Variants in RMST observed in about 807,000 individuals in gnomAD.
RMST encodes long intergenic non-protein coding RNA 54.
chr12:97,512,781 G>A (rs1048601154), intron 10 of RMST, among the ~76,000 whole-genome samples: 5 of 152,226 alleles, frequency 3.3e-5, no homozygotes, highest in South Asian at 2.1e-4. Context: ...CGCGCCCTGC[G>A]CCTGCACTCC....
chr12:97,524,099 A>AAAAAAAAAAAAAAAAAAAAC, intron 10 of RMST, among the ~76,000 whole-genome samples: 1 of 148,656 alleles, frequency 6.7e-6, no homozygotes, highest in Non-Finnish European at 1.5e-5. Flanking sequence ...AAAAAAAAAA[A>AAAAAAAAAAAAAAAAAAAAC]AAAATCACAT....
At chr12:97,531,637 A>G (rs775211774) in intron 11 of RMST, among the ~76,000 whole-genome samples, 26 of 151,974 alleles carry the variant, frequency 1.7e-4, no homozygotes, top group African/African-American at 2.7e-4. Context: ...GGTCTCAAAA[A>G]ATATGCAGAA....
intron 11 of RMST, among the ~76,000 whole-genome samples, chr12:97,546,950 C>G (rs1340300897): frequency 6.6e-6 from 1 of 151,964 alleles, no homozygotes. Flanking sequence ...ATCTCTCCAA[C>G]CTCTCACCCT....
At chr12:97,563,569 CT>C (rs1884298395) in intron 13 of RMST, 1 of 320,752 alleles carries the variant, frequency 3.1e-6, no homozygotes, top group Non-Finnish European at 6.0e-6. Flanking sequence ...TCCCAGTGTC[CT>C]TTGTTTTTGG....
At chr12:97,550,945 G>A (rs796112084) in intron 11 of RMST, among the ~76,000 whole-genome samples, 2 of 151,966 alleles carry the variant, frequency 1.3e-5, no homozygotes, top group African/African-American at 4.8e-5. Context: ...TCTAATTGTC[G>A]CAACTCAGAA....
At chr12:97,504,141 C>T (rs1592694597) in intron 10 of RMST, among the ~76,000 whole-genome samples, 1 of 152,128 alleles carries the variant, frequency 6.6e-6, no homozygotes, top group Non-Finnish European at 1.5e-5. Context: ...TGATGGCTCA[C>T]TCCTGTAACC....
At chr12:97,511,150 C>CTT (rs200176181) in intron 10 of RMST, among the ~76,000 whole-genome samples, 6 of 139,886 alleles carry the variant, frequency 4.3e-5, no homozygotes, top group Non-Finnish European at 7.9e-5. Context: ...GTACTTCCTT[C>CTT]TTTTTTTTTT....
intron 11 of RMST, among the ~76,000 whole-genome samples, chr12:97,539,625 G>A (rs534810895): frequency 2.5e-4 from 38 of 151,694 alleles, no homozygotes; most frequent in African/African-American, 7.7e-4. Context: ...AAATATTTTA[G>A]TAAAGTTTTG....
intron 5 of RMST, among the ~76,000 whole-genome samples, chr12:97,473,743 C>T (rs1874202753): frequency 6.6e-6 from 1 of 152,100 alleles, no homozygotes; most frequent in Non-Finnish European, 1.5e-5. Flanking sequence ...CGCTTTCTAT[C>T]TCAAATAGGA....
chr12:97,552,376 A>C (rs1592792822), intron 11 of RMST: 1 of 152,222 alleles, frequency 6.6e-6, no homozygotes, highest in African/African-American at 2.4e-5. Flanking sequence ...ATATTTCTTC[A>C]GGCATTGTCT....
At chr12:97,477,186 G>T (rs1565917667) in intron 5 of RMST, among the ~76,000 whole-genome samples, 1 of 152,166 alleles carries the variant, frequency 6.6e-6, no homozygotes, top group Admixed American at 6.6e-5. Flanking sequence ...AGAGTCAGGT[G>T]CCCACATGCG....
At chr12:97,499,958 C>T (rs1172468688) in intron 10 of RMST, among the ~76,000 whole-genome samples, 7 of 152,126 alleles carry the variant, frequency 4.6e-5, no homozygotes, top group Non-Finnish European at 7.3e-5. Flanking sequence ...CATGCCCGGC[C>T]TATGTCTTCT....
intron 9 of RMST, among the ~76,000 whole-genome samples, chr12:97,495,148 A>G (rs1012322985): frequency 6.8e-5 from 10 of 146,594 alleles, no homozygotes; most frequent in Non-Finnish European, 1.5e-4. Context: ...TTAAATTAAA[A>G]TATAAATTAT....
Position 97,527,980 on chromosome 12 carries a change from A to G in RMST, n.1341-2675A>G, listed in dbSNP as rs371926102. 8.5e-5 allele frequency among the ~76,000 whole-genome samples: 13 copies of G among 152,260 alleles called. No individual in the cohort carries two copies. In the South Asian group the frequency reaches 2.7e-3, roughly 32 times the overall value. On this transcript the variant is annotated intron_variant and non_coding_transcript_variant, in intron 10 of 13. Transcript: ENST00000640149. ...TAAAAAATAATAACTAAGATATATA[A>G]TGAGTTTTCCTGTAGGTCAGAAAAT...
At chr12:97,514,625 A>G (rs1404605561) in intron 10 of RMST, among the ~76,000 whole-genome samples, 2 of 151,228 alleles carry the variant, frequency 1.3e-5, no homozygotes, top group Admixed American at 6.6e-5. Flanking sequence ...TTAGCTAACA[A>G]TTCATTGCAT....
chr12:97,548,278 C>A (rs185444901), intron 11 of RMST, among the ~76,000 whole-genome samples: 2 of 152,022 alleles, frequency 1.3e-5, no homozygotes, highest in African/African-American at 4.8e-5. Context: ...TAGACCTGTG[C>A]GGTTTTGATT....
chr12:97,512,112 T>C (rs1357658273), intron 10 of RMST, among the ~76,000 whole-genome samples: 1 of 152,166 alleles, frequency 6.6e-6, no homozygotes, highest in African/African-American at 2.4e-5. Context: ...GAGTTTCTTC[T>C]GTCTGGCCGA....
intron 11 of RMST, among the ~76,000 whole-genome samples, chr12:97,544,059 T>C (rs754036652): frequency 4.6e-5 from 7 of 152,104 alleles, no homozygotes; most frequent in Non-Finnish European, 1.0e-4. Flanking sequence ...TTTGCCTACC[T>C]CCTTGCCCTT....
intron 11 of RMST, among the ~76,000 whole-genome samples, chr12:97,553,399 C>A (rs377617693): frequency 6.6e-6 from 1 of 152,102 alleles, no homozygotes; most frequent in African/African-American, 2.4e-5. Flanking sequence ...CAGTTAGCCT[C>A]CAGAATTTGT....
Sources: allele counts gnomAD v4.1 joint callset (sites outside exome capture counted in the v4.1 genomes callset), GRCh38; gene constraint gnomAD v4.1.1; transcripts MANE v1.5; gene names NCBI Gene and HGNC (gene_info 2026-07-23, HGNC 2026-07-21).